The following HAUS3 variants were observed in gnomAD, a reference collection of about 807,000 sequenced individuals.
HAUS3 encodes HAUS augmin-like complex subunit 3.
A neutral mutation model predicts 55.2 loss-of-function variants in HAUS3; 36 were observed. That is an observed-to-expected ratio of 0.65 (90% confidence interval 0.50 to 0.86). The LOEUF (loss-of-function observed/expected upper bound fraction) is 0.86, where lower values mean the gene tolerates loss of function less well. HAUS3 is among the 40% of genes least tolerant of loss of function. The pLI is 0.00. For synonymous variants in HAUS3, 234 were observed against 238.6 expected, an observed-to-expected ratio of 0.98 and a Z score of 0.18; for missense variants, 752 against 671.5, an observed-to-expected ratio of 1.12 and a Z score of -1.33.
chr4:2,232,980 C>T (rs1734636473), intron 5 of HAUS3, among the ~76,000 whole-genome samples: 4 of 151,988 alleles, frequency 2.6e-5, no homozygotes, highest in Admixed American at 2.6e-4. Flanking sequence ...ATTCCTGTAC[C>T]CCCCCACTAG....
chr4:2,229,119 G>C lies in HAUS3; in HGVS notation c.*2808C>G, dbSNP rs1734486842. 1 of 1,607,470 alleles carries C rather than the reference G, an allele frequency of 6.2e-7. No homozygotes were observed. Among genetic ancestry groups the C allele is most frequent in the African/African-American group, 1.3e-5 (1 of 74,754 alleles). On this transcript the variant is annotated 3_prime_UTR_variant, in exon 6 of 6. Coordinates refer to ENST00000443786, the MANE Select transcript of HAUS3 (RefSeq NM_001303143.2). ...CTTACTCTCTGTACTCTTTCCCCAA[G>C]TCTTAGAATCCACTAAATCACCTGA...
chr4:2,241,323 TTA>T (rs1408954310), intron 2 of HAUS3, among the ~76,000 whole-genome samples, 195 bp downstream of exon 2: 5 of 152,252 alleles, frequency 3.3e-5, no homozygotes, highest in African/African-American at 7.2e-5. Flanking sequence ...TGGATCCATT[TTA>T]TCTTTTTTTC....
At chr4:2,241,846 G>C (rs1190270318) in intron 1 of HAUS3, 56 bp from the exon 2 acceptor site, 3 of 985,422 alleles carry the variant, frequency 3.0e-6, no homozygotes, top group Admixed American at 1.2e-4. Flanking sequence ...AGCTGCAGAA[G>C]ACGGGGGTGA....
chr4:2,232,008 T>C lies in HAUS3; in HGVS notation c.1731A>G (p.Leu577=), dbSNP rs368034308. Residue 577 remains leucine, a synonymous_variant, in exon 6 of 6, where the codon TTA becomes TTG. Coordinates refer to ENST00000443786, the MANE Select transcript of HAUS3 (RefSeq NM_001303143.2). ...TATCTTTCAGATAATCTTCATCTTT[T>C]AAAAAATATACATAGAATTCTCTTT... The part of the protein sequence containing the change: ...QMEREFYVYF[L]KDEDYLKDIV... 21 of 1,507,478 alleles carry C rather than the reference T, an allele frequency of 1.4e-5. No homozygotes were observed. Among genetic ancestry groups the C allele is most frequent in the African/African-American group, 4.1e-5 (3 of 72,312 alleles). The allele number at this position is 1,507,478 out of a possible 1,614,324, so 93.4% of individuals were successfully genotyped here.
chr4:2,237,688 G>A (rs1261127570), intron 4 of HAUS3, among the ~76,000 whole-genome samples: 1 of 152,014 alleles, frequency 6.6e-6, no homozygotes, highest in Non-Finnish European at 1.5e-5. Flanking sequence ...CTATATTACA[G>A]GATTGTGGTG....
rs1269724927 is a variant in HAUS3, at chr4:2,240,971, G to T, written c.-25C>A. ...TGGTTTTAACTACCCCAATTTTGTT[G>T]TATCTGATATGGGTTTACGGTGTTG... On this transcript the variant is annotated 5_prime_UTR_variant, in exon 3 of 6. Coordinates refer to ENST00000443786, the MANE Select transcript of HAUS3 (RefSeq NM_001303143.2). 1.3e-6 allele frequency: 2 copies of T among 1,540,654 alleles called. No homozygotes were observed. The highest frequency in any genetic ancestry group is 2.0e-5 in the Admixed American group (1 of 50,478).
In HAUS3 at chr4:2,238,656, G is replaced by C; in HGVS notation, c.1297C>G (p.Gln433Glu). The C allele has an allele frequency of 6.2e-7, 1 of 1,612,316 alleles. No individual in the cohort carries two copies. Among genetic ancestry groups the C allele is most frequent in the Non-Finnish European group, 8.5e-7 (1 of 1,178,672 alleles). Residue 433 changes from glutamine to glutamate, a missense_variant, in exon 4 of 6, where the codon CAA (glutamine) becomes GAA (glutamate). Physicochemically the swap from Gln to Glu is conservative, Grantham distance 29. Coordinates refer to ENST00000443786, the MANE Select transcript of HAUS3 (RefSeq NM_001303143.2). ...LEMLTDPSVS[Q>E]QINPRNTIDT... ...ATGGTATTCCTTGGATTTATCTGTT[G>C]AGAAACTGATGGATCTGTTAACATT...
intron 4 of HAUS3, 100 bp from the exon 5 acceptor site, chr4:2,236,556 G>A (rs941729527): frequency 3.2e-5 from 25 of 777,642 alleles, no homozygotes; most frequent in African/African-American, 1.2e-4. Flanking sequence ...GGATAGCTAA[G>A]TAACAACTTA....
Position 2,238,956 on chromosome 4 carries a change from C to T in HAUS3, c.997G>A (p.Asp333Asn). 1 of 1,598,424 alleles carries T rather than the reference C, an allele frequency of 6.3e-7. No individual in the cohort carries two copies. The highest frequency in any genetic ancestry group is 8.5e-7 in the Non-Finnish European group (1 of 1,174,436). ...CTTACCACAGCAGGTAAACTTCTGT[C>T]TTTTATTTGAGTGACCTCTTTTTCA... ...KLEKEVTQIKDRSLPAVVREN... is the reference protein window; with the variant it reads ...KLEKEVTQIKNRSLPAVVREN... The change falls in exon 4 of 6, where the codon GAC (aspartate) becomes AAC (asparagine). Residue 333 changes from aspartate (D) to asparagine (N), a missense_variant. Physicochemically the swap from Asp to Asn is conservative, Grantham distance 23. Coordinates refer to ENST00000443786, the MANE Select transcript of HAUS3 (RefSeq NM_001303143.2).
Position 2,238,747 on chromosome 4 carries a change from A to G in HAUS3, c.1206T>C (p.Tyr402=). 6.2e-7 allele frequency: 1 copy of G among 1,613,824 alleles called. No individual in the cohort carries two copies. Among genetic ancestry groups the G allele is most frequent in the Admixed American group, 1.7e-5 (1 of 60,014 alleles). ...EIELRKHRDI[Y]RQLENLVQEL... ...CTTGAACCAAATTTTCAAGTTGACG[A>G]TATATGTCCCGATGCTTTCTTAATT... The change falls in exon 4 of 6, where the codon TAT becomes TAC. Residue 402 remains tyrosine, a synonymous_variant. Transcript: ENST00000443786.
rs1734597736 is a variant in HAUS3 at position 2,232,014 on chromosome 4, AT to A, written c.1724del (p.Tyr575PhefsTer3). ...TCAGATAATCTTCATCTTTTAAAAA[AT>A]ATACATAGAATTCTCTTTCCATTTG... Reference protein sequence around the residue: ...LHQMEREFYVYFLKDEDYLKD... With the variant: ...LHQMEREFYVXFLKDEDYLKD... On this transcript the variant is annotated frameshift_variant, in exon 6 of 6. Coordinates refer to ENST00000443786, the MANE Select transcript of HAUS3 (RefSeq NM_001303143.2). LOFTEE classifies it high-confidence loss of function. 1 of 1,506,808 alleles carries A rather than the reference AT, an allele frequency of 6.6e-7. No homozygotes were observed. The highest frequency in any genetic ancestry group is 1.4e-5 in the African/African-American group (1 of 72,434). 93.3% of individuals were successfully genotyped at this position (1,506,808 alleles called of 1,614,324 possible). A position where few individuals can be genotyped will look rare whatever the true frequency, so the allele number is the denominator to read the frequency against.
rs1734987754 is a variant in HAUS3, at chr4:2,241,528, C to G, written c.-156G>C. On this transcript the variant is annotated 5_prime_UTR_variant, in exon 2 of 6. Coordinates refer to ENST00000443786, the MANE Select transcript of HAUS3 (RefSeq NM_001303143.2). ...ATCAACTAAATATTTACCTCAACGT[C>G]TCGCCGGGCAAGGCTCCACCTCCAG... The G allele has an allele frequency of 3.0e-6, 3 of 985,802 alleles. No homozygotes were observed. In the South Asian group the frequency reaches 1.4e-4, roughly 46 times the overall value. 61.1% of individuals were successfully genotyped at this position (985,802 alleles called of 1,614,324 possible).
intron 4 of HAUS3, among the ~76,000 whole-genome samples, chr4:2,237,569 G>T (rs1734811381): frequency 6.6e-6 from 1 of 152,130 alleles, no homozygotes; most frequent in Admixed American, 6.6e-5. Flanking sequence ...CAATGAATTT[G>T]AAACGGAAGA....
rs530169483 is a variant in HAUS3, at chr4:2,242,078, G to A, written c.-446C>T. The A allele has an allele frequency of 2.1e-4, 204 of 985,798 alleles. No individual in the cohort carries two copies. The highest frequency in any genetic ancestry group is 4.9e-4 in the Admixed American group (8 of 16,296). The allele number at this position is 985,798 out of a possible 1,614,324, so 61.1% of individuals were successfully genotyped here. A position where few individuals can be genotyped will look rare whatever the true frequency, so the allele number is the denominator to read the frequency against. On this transcript the variant is annotated 5_prime_UTR_variant, in exon 1 of 6. Coordinates refer to ENST00000443786, the MANE Select transcript of HAUS3 (RefSeq NM_001303143.2). ...CAGGAAGTTCCGCTTGCTTCTCGCA[G>A]GAGCCCGCCGCCACCGCCCTCCGTG...
intron 4 of HAUS3, among the ~76,000 whole-genome samples, chr4:2,238,012 A>C (rs1219443899): frequency 6.6e-6 from 1 of 152,194 alleles, no homozygotes; most frequent in Non-Finnish European, 1.5e-5. Context: ...TTTATTAATA[A>C]GAAAACAAAA....
chr4:2,237,574 G>C (rs28385555), intron 4 of HAUS3, among the ~76,000 whole-genome samples: 16 of 152,068 alleles, frequency 1.1e-4, no homozygotes, highest in Admixed American at 1.0e-3. Flanking sequence ...AATTTGAAAC[G>C]GAAGACCTAG....
At position 2,229,368 on chromosome 4, in the gene HAUS3, C is replaced by A; in HGVS notation, c.*2559G>T. The A allele has an allele frequency of 1.3e-6, 1 of 765,794 alleles. No individual in the cohort carries two copies. Among genetic ancestry groups the A allele is most frequent in the Non-Finnish European group, 1.9e-6 (1 of 518,688 alleles). 47.4% of individuals were successfully genotyped at this position (765,794 alleles called of 1,614,324 possible). ...TTTAAAATGTCTATATTCATAACCA[C>A]AGAAAATAGGCATCAATCATCCAAT... On this transcript the variant is annotated 3_prime_UTR_variant, in exon 6 of 6. Transcript: ENST00000443786.
chr4:2,241,706 C>T lies in HAUS3; in HGVS notation c.-334G>A. On this transcript the variant is annotated 5_prime_UTR_variant, in exon 2 of 6. Transcript: ENST00000443786. The stretch of plus-strand genomic sequence containing the variant: ...GAGGCAGCGGCAAGCCCCAGGGATC[C>T]GCGGCCCCAAGGCCGCGATACACCA... 1.0e-6 allele frequency: 1 copy of T among 985,504 alleles called. No homozygotes were observed. Among genetic ancestry groups the T allele is most frequent in the Non-Finnish European group, 1.2e-6 (1 of 829,960 alleles). 61.0% of individuals were successfully genotyped at this position (985,504 alleles called of 1,614,324 possible). A position where few individuals can be genotyped will look rare whatever the true frequency, so the allele number is the denominator to read the frequency against.
Position 2,232,023 on chromosome 4 carries a change from G to T in HAUS3, c.1716C>A (p.Phe572Leu), listed in dbSNP as rs1480931069. The T allele has an allele frequency of 1.3e-6, 2 of 1,506,462 alleles. No homozygotes were observed. The highest frequency in any genetic ancestry group is 1.8e-6 in the Non-Finnish European group (2 of 1,089,362). 93.3% of individuals were successfully genotyped at this position (1,506,462 alleles called of 1,614,324 possible). A position where few individuals can be genotyped will look rare whatever the true frequency, so the allele number is the denominator to read the frequency against. Residue 572 changes from phenylalanine to leucine, a missense_variant, in exon 6 of 6, where the codon TTC becomes TTA. Phe to Leu is a conservative substitution (Grantham distance 22). Coordinates refer to ENST00000443786, the MANE Select transcript of HAUS3 (RefSeq NM_001303143.2). The part of the protein sequence containing the change: ...NNKLHQMERE[F>L]YVYFLKDEDY... ...CTTCATCTTTTAAAAAATATACATA[G>T]AATTCTCTTTCCATTTGATGTAATT...
Sources: allele counts gnomAD v4.1 joint callset (sites outside exome capture counted in the v4.1 genomes callset), GRCh38; gene constraint gnomAD v4.1.1; transcripts MANE v1.5; gene names NCBI Gene and HGNC (gene_info 2026-07-23, HGNC 2026-07-21).